The following SPAG17 variants were observed in gnomAD, a reference collection of about 807,000 sequenced individuals.
SPAG17 encodes the protein sperm associated antigen 17.
A neutral mutation model predicts 273.6 loss-of-function variants in SPAG17; 169 were observed. That is an observed-to-expected ratio of 0.62 (90% confidence interval 0.55 to 0.70). SPAG17 has a LOEUF of 0.70. Ranked by LOEUF, SPAG17 falls within the 30% of genes least tolerant of loss-of-function variation. The pLI, the probability that SPAG17 is intolerant of heterozygous loss-of-function variation, is 0.00. For missense variants in SPAG17, 2,557 were observed against 2,627.8 expected (o/e 0.97, Z 0.59); for synonymous variants, 825 against 873.2 (o/e 0.94, Z 0.97).
In SPAG17 at chr1:118,102,068, T is replaced by C. The variant is rs557624645; in HGVS notation, c.448-142A>G. On this transcript the variant is annotated intron_variant, in intron 4 of 48. Transcript: ENST00000336338. ...TAGGTATTCATTATATAAGTCAGCA[T>C]AGTGGAGATTCCAGCTTGAGACTAA... The C allele has an allele frequency of 9.2e-5, 67 of 729,710 alleles. No individual in the cohort carries two copies. The East Asian group carries it at 1.5e-3, about 16-fold the overall frequency. The allele number at this position is 729,710 out of a possible 1,614,324, so 45.2% of individuals were successfully genotyped here.
rs1655813904 is a variant in SPAG17 at position 118,097,827 on chromosome 1, T to C, written c.854A>G (p.Lys285Arg). 1.3e-6 allele frequency: 2 copies of C among 1,589,508 alleles called. No homozygotes were observed. Among genetic ancestry groups the C allele is most frequent in the Admixed American group, 3.7e-5 (2 of 53,384 alleles). The change falls in exon 7 of 49, where the codon AAA becomes AGA. Residue 285 changes from lysine (K) to arginine (R), a missense_variant. Lys to Arg is a conservative substitution (Grantham distance 26). Transcript: ENST00000336338. Reference sequence around the variant, plus strand: ...TTTAAGCTCTTTTATGGCATTTTCTTTCTTCAATTTTTCTGCTTCTAGATC... The same window carrying C: ...TTTAAGCTCTTTTATGGCATTTTCTCTCTTCAATTTTTCTGCTTCTAGATC... The part of the protein sequence containing the change: ...SEDLEAEKLK[K>R]ENAIKELKTF...
chr1:118,030,480 T>C (rs895524345), intron 25 of SPAG17, among the ~76,000 whole-genome samples: 3 of 152,004 alleles, frequency 2.0e-5, no homozygotes, highest in African/African-American at 7.2e-5. Context: ...GTTTGTTACA[T>C]AGGTATATAT....
intron 41 of SPAG17, among the ~76,000 whole-genome samples, chr1:117,984,446 G>A (rs2101608720): frequency 6.6e-6 from 1 of 152,250 alleles, no homozygotes; most frequent in South Asian, 2.1e-4. Context: ...TGAAAGGCAG[G>A]ATGGGGTAGT....
intron 4 of SPAG17, among the ~76,000 whole-genome samples, chr1:118,109,411 G>T (rs1314347925): frequency 6.6e-6 from 1 of 150,396 alleles, no homozygotes; most frequent in South Asian, 2.1e-4. Context: ...AAATTAGCCG[G>T]GTGTTGTGGC....
intron 4 of SPAG17, among the ~76,000 whole-genome samples, chr1:118,109,407 G>C (rs999341551): frequency 1.4e-5 from 2 of 144,954 alleles, no homozygotes; most frequent in African/African-American, 5.0e-5. Context: ...AAAAAAATTA[G>C]CCGGGTGTTG....
rs1571081391 is a variant in SPAG17, at chr1:117,966,418, T to C, written c.6532+191A>G. On this transcript the variant is annotated intron_variant, in intron 47 of 48. Coordinates refer to ENST00000336338, the MANE Select transcript of SPAG17 (RefSeq NM_206996.4). The stretch of plus-strand genomic sequence containing the variant: ...CTGAAGTTACTGCACATATACTATG[T>C]GTCAGGTATTTTTTTAGATTTGGCT... 4 of 483,800 alleles carry C rather than the reference T, an allele frequency of 8.3e-6. No individual in the cohort carries two copies. In the East Asian group the frequency reaches 1.3e-4, roughly 16 times the overall value. 30.0% of individuals were successfully genotyped at this position (483,800 alleles called of 1,614,324 possible).
chr1:118,085,036 A>C (rs761394076), intron 13 of SPAG17, among the ~76,000 whole-genome samples: 1 of 152,138 alleles, frequency 6.6e-6, no homozygotes, highest in Non-Finnish European at 1.5e-5. Context: ...ATGAGCTTCC[A>C]GTAGCACTGG....
chr1:118,003,718 G>C (rs549859830), intron 32 of SPAG17, among the ~76,000 whole-genome samples: 46 of 152,238 alleles, frequency 3.0e-4, no homozygotes, highest in African/African-American at 7.9e-4. Context: ...ATTCGTCTAA[G>C]CTTTTTTCAA....
chr1:118,040,923 G>A, intron 21 of SPAG17, 82 bp from the exon 22 acceptor site: 2 of 880,430 alleles, frequency 2.3e-6, no homozygotes, highest in Non-Finnish European at 3.8e-6. Context: ...AACTAAAGTT[G>A]CCAGAAGCTT....
chr1:118,007,044 C>T (rs557413851), intron 31 of SPAG17, among the ~76,000 whole-genome samples: 1 of 151,686 alleles, frequency 6.6e-6, no homozygotes, highest in East Asian at 1.9e-4. Flanking sequence ...ATAACATCTT[C>T]TATTCTGTAG....
At chr1:117,967,632 T>C (rs74114941) in intron 46 of SPAG17, among the ~76,000 whole-genome samples, 6,902 of 152,188 alleles carry the variant, frequency 0.045, 336 homozygotes, top group South Asian at 0.13. Flanking sequence ...TAGAGGGAGA[T>C]AAAATTAGTT....
chr1:118,139,853 C>CT (rs1658571744), intron 3 of SPAG17, among the ~76,000 whole-genome samples: 1 of 152,146 alleles, frequency 6.6e-6, no homozygotes, highest in African/African-American at 2.4e-5. Flanking sequence ...AAAACTCATG[C>CT]TGAAACTTAA....
intron 48 of SPAG17, among the ~76,000 whole-genome samples, chr1:117,958,511 C>T (rs1571045697): frequency 6.6e-6 from 1 of 152,152 alleles, no homozygotes; most frequent in Admixed American, 6.6e-5. Context: ...GAGTTTGAAT[C>T]TCACGAATGT....
intron 3 of SPAG17, among the ~76,000 whole-genome samples, chr1:118,123,996 T>C (rs1657563348): frequency 6.6e-6 from 1 of 152,194 alleles, no homozygotes; most frequent in Admixed American, 6.5e-5. Flanking sequence ...AGGACTATTT[T>C]AGAAATGTTT....
intron 43 of SPAG17, among the ~76,000 whole-genome samples, chr1:117,976,145 A>G (rs1655113361): frequency 6.6e-6 from 1 of 152,122 alleles, no homozygotes; most frequent in African/African-American, 2.4e-5. Context: ...TCTATACTAG[A>G]CTGCCTCCCA....
chr1:118,184,028 G>A (rs1661063816), intron 1 of SPAG17, among the ~76,000 whole-genome samples: 1 of 151,922 alleles, frequency 6.6e-6, no homozygotes, highest in Non-Finnish European at 1.5e-5. Flanking sequence ...CTACTTTCAT[G>A]AAATTCTTCA....
In SPAG17 at chr1:118,081,604, C is replaced by G; in HGVS notation, c.1801G>C (p.Val601Leu). ...AGCTTCAGGCTCTCAAAAGTAAACA[C>G]CTTGAAGGCTCGTTCTACTTCATTC... Reference protein sequence around the residue: ...SWNEVERAFKVFTFESLKLSE... With the variant: ...SWNEVERAFKLFTFESLKLSE... The change falls in exon 14 of 49, where the codon GTG becomes CTG. Residue 601 changes from valine to leucine, a missense_variant. Coordinates refer to ENST00000336338, the MANE Select transcript of SPAG17 (RefSeq NM_206996.4). 1 of 1,613,964 alleles carries G rather than the reference C, an allele frequency of 6.2e-7. No homozygotes were observed.
At chr1:118,029,716 A>T (rs1648199678) in intron 25 of SPAG17, among the ~76,000 whole-genome samples, 5 of 152,144 alleles carry the variant, frequency 3.3e-5, no homozygotes, top group Admixed American at 3.3e-4. Context: ...CTCCCTAATG[A>T]TAATCATTTC....
At chr1:118,165,923 G>A (rs927966418) in intron 1 of SPAG17, among the ~76,000 whole-genome samples, 5 of 152,144 alleles carry the variant, frequency 3.3e-5, no homozygotes, top group Admixed American at 1.3e-4. Flanking sequence ...GATTACGGGC[G>A]TGAGCCACCG....
Sources: allele counts gnomAD v4.1 joint callset (sites outside exome capture counted in the v4.1 genomes callset), GRCh38; gene constraint gnomAD v4.1.1; transcripts MANE v1.5; gene names NCBI Gene and HGNC (gene_info 2026-07-23, HGNC 2026-07-21).